SLC44A1: variants seen among roughly 807,000 people sequenced by gnomAD.
SLC44A1 encodes the protein choline transporter-like protein 1.
A neutral mutation model predicts 79.3 loss-of-function variants in SLC44A1; 26 were observed. That is an observed-to-expected ratio of 0.33 (90% CI 0.24 to 0.46). The LOEUF (loss-of-function observed/expected upper bound fraction) is 0.46. Ranked by LOEUF, SLC44A1 falls within the 20% of genes least tolerant of loss-of-function variation. The pLI, the probability that SLC44A1 is intolerant of heterozygous loss-of-function variation, is 1.00. For synonymous variants in SLC44A1, 263 were observed against 286.2 expected (o/e 0.92, Z 0.82); for missense variants, 688 against 798.1 (o/e 0.86, Z 1.66).
At chr9:105,385,204 A>G (rs1226992341) in intron 14 of SLC44A1, among the ~76,000 whole-genome samples, 1 of 152,198 alleles carries the variant, frequency 6.6e-6, no homozygotes, top group Admixed American at 6.5e-5. Flanking sequence ...TGTCACAATG[A>G]ATGGATGGAA....
At chr9:105,284,257 G>A (rs1830425291) in intron 1 of SLC44A1, among the ~76,000 whole-genome samples, 1 of 147,606 alleles carries the variant, frequency 6.8e-6, no homozygotes, top group African/African-American at 2.5e-5. Flanking sequence ...TAAGAGATAG[G>A]GTCTCACTTT....
chr9:105,353,313 G>A (rs1395277241), intron 5 of SLC44A1, among the ~76,000 whole-genome samples: 1 of 152,044 alleles, frequency 6.6e-6, no homozygotes, highest in Non-Finnish European at 1.5e-5. Context: ...TGTTTGAAAG[G>A]TTAAGTTCAG....
At chr9:105,388,953 T>C in intron 15 of SLC44A1, 80 bp from the exon 16 acceptor site, 5 of 1,038,596 alleles carry the variant, frequency 4.8e-6, no homozygotes, top group Non-Finnish European at 7.6e-6. Context: ...TGTGACCATG[T>C]GTATATTTGT....
chr9:105,428,862 C>T (rs566421649), intron 15 of SLC44A1, among the ~76,000 whole-genome samples: 2 of 152,164 alleles, frequency 1.3e-5, no homozygotes, highest in South Asian at 2.1e-4. Context: ...CGCGCCACCA[C>T]GCCCAGCTAA....
At chr9:105,367,246 T>C (rs1394924651) in intron 12 of SLC44A1, among the ~76,000 whole-genome samples, 1 of 152,186 alleles carries the variant, frequency 6.6e-6, no homozygotes, top group Admixed American at 6.5e-5. Context: ...TACTGCTAAG[T>C]GATTGAAGAG....
intron 1 of SLC44A1, among the ~76,000 whole-genome samples, chr9:105,265,166 A>G (rs1829932479): frequency 6.6e-6 from 1 of 152,160 alleles, no homozygotes; most frequent in East Asian, 1.9e-4. Context: ...TTTAATTTAC[A>G]TACGGTACAA....
intron 5 of SLC44A1, among the ~76,000 whole-genome samples, chr9:105,353,175 G>GT (rs201111124): frequency 1.4e-4 from 21 of 150,580 alleles, no homozygotes; most frequent in African/African-American, 2.4e-4. Flanking sequence ...TCAGGTTGTT[G>GT]TTTTTTTTTA....
chr9:105,337,400 A>G (rs1826956744), intron 4 of SLC44A1, among the ~76,000 whole-genome samples: 1 of 152,196 alleles, frequency 6.6e-6, no homozygotes, highest in African/African-American at 2.4e-5. Context: ...TGATACATGA[A>G]CAATGCTTAG....
intron 1 of SLC44A1, among the ~76,000 whole-genome samples, chr9:105,268,731 T>G (rs1341901748): frequency 2.0e-5 from 3 of 147,710 alleles, no homozygotes; most frequent in Non-Finnish European, 4.4e-5. Flanking sequence ...AACTCCAACC[T>G]CAGGTGATCC....
rs1468375042 is a variant in SLC44A1 at position 105,394,288 on chromosome 9, T to G, written c.*5232T>G. On this transcript the variant is annotated 3_prime_UTR_variant, in exon 16 of 16. Coordinates refer to ENST00000374720, the MANE Select transcript of SLC44A1 (RefSeq NM_080546.5). ...TCTGACCTGGAATCATTTTTATAAC[T>G]TAAAGACTTTATGTAATTTAGTAGC... 1.0e-6 allele frequency: 1 copy of G among 985,206 alleles called. No individual in the cohort carries two copies. The highest frequency in any genetic ancestry group is 1.7e-5 in the African/African-American group (1 of 57,234). The allele number at this position is 985,206 out of a possible 1,614,324, so 61.0% of individuals were successfully genotyped here.
chr9:105,291,938 A>G (rs971127153), intron 1 of SLC44A1, among the ~76,000 whole-genome samples: 8 of 152,182 alleles, frequency 5.3e-5, no homozygotes, highest in Non-Finnish European at 1.0e-4. Context: ...AGTAGTTAAT[A>G]CTTTTATACC....
rs1564444022 is a variant in SLC44A1, at chr9:105,335,547, T to C, written c.270-16T>C. 6.2e-7 allele frequency: 1 copy of C among 1,603,678 alleles called. No homozygotes were observed. The highest frequency in any genetic ancestry group is 8.5e-7 in the Non-Finnish European group (1 of 1,173,840). ...TTTTGTGAAGTAATATCTCAGTTTT[T>C]TTCTCCATGCTTTAGGTATGTATTC... On this transcript the variant is annotated splice_polypyrimidine_tract_variant and intron_variant, in intron 3 of 15. Transcript: ENST00000374720.
chr9:105,435,178 A>C (rs894414559), intron 15 of SLC44A1, among the ~76,000 whole-genome samples: 1 of 150,728 alleles, frequency 6.6e-6, no homozygotes, highest in Non-Finnish European at 1.5e-5. Flanking sequence ...AAAAAAAAGG[A>C]GGAAAGCTGA....
intron 1 of SLC44A1, among the ~76,000 whole-genome samples, chr9:105,283,205 G>A (rs922912065): frequency 2.0e-5 from 3 of 152,178 alleles, no homozygotes; most frequent in Non-Finnish European, 4.4e-5. Context: ...TGATTGTGGA[G>A]AAACAACCTT....
chr9:105,417,862 A>G (rs893415311), intron 15 of SLC44A1, among the ~76,000 whole-genome samples: 2 of 149,686 alleles, frequency 1.3e-5, no homozygotes, highest in Non-Finnish European at 3.0e-5. Flanking sequence ...AAAAAAAACA[A>G]TTTAATTAGC....
At chr9:105,364,860 T>C (rs1827892390) in intron 10 of SLC44A1, 140 bp downstream of exon 10, 1 of 604,228 alleles carries the variant, frequency 1.7e-6, no homozygotes, top group Admixed American at 3.4e-5. Flanking sequence ...TGACAGAGTG[T>C]TATATATAGT....
chr9:105,324,616 T>A (rs1260875219), intron 3 of SLC44A1, among the ~76,000 whole-genome samples: 1 of 152,198 alleles, frequency 6.6e-6, no homozygotes, highest in African/African-American at 2.4e-5. Context: ...TTTTTCATAA[T>A]GTTGTGACAA....
At position 105,394,283 on chromosome 9, in the gene SLC44A1, A is replaced by G; in HGVS notation, c.*5227A>G. Reference sequence around the variant, plus strand: ...CACCTTCTGACCTGGAATCATTTTTATAACTTAAAGACTTTATGTAATTTA... The same window carrying G: ...CACCTTCTGACCTGGAATCATTTTTGTAACTTAAAGACTTTATGTAATTTA... On this transcript the variant is annotated 3_prime_UTR_variant, in exon 16 of 16. Coordinates refer to ENST00000374720, the MANE Select transcript of SLC44A1 (RefSeq NM_080546.5). 3 of 985,416 alleles carry G rather than the reference A, an allele frequency of 3.0e-6. No individual in the cohort carries two copies. The highest frequency in any genetic ancestry group is 4.7e-5 in the South Asian group (1 of 21,292). The allele number at this position is 985,416 out of a possible 1,614,324, so 61.0% of individuals were successfully genotyped here.
Position 105,390,215 on chromosome 9 carries a change from C to G in SLC44A1, c.*1159C>G. The G allele has an allele frequency of 8.9e-7, 1 of 1,127,150 alleles. No individual in the cohort carries two copies. Among genetic ancestry groups the G allele is most frequent in the Non-Finnish European group, 1.1e-6 (1 of 921,174 alleles). The allele number at this position is 1,127,150 out of a possible 1,614,324, so 69.8% of individuals were successfully genotyped here. A position where few individuals can be genotyped will look rare whatever the true frequency, so the allele number is the denominator to read the frequency against. Reference sequence around the variant, plus strand: ...TTTGCTTTTTTATTCCTGAAGCTTACCAGATATGAATGGCTAATACTCCAT... The same window carrying G: ...TTTGCTTTTTTATTCCTGAAGCTTAGCAGATATGAATGGCTAATACTCCAT... On this transcript the variant is annotated 3_prime_UTR_variant, in exon 16 of 16. Coordinates refer to ENST00000374720, the MANE Select transcript of SLC44A1 (RefSeq NM_080546.5).
Sources: allele counts gnomAD v4.1 joint callset (sites outside exome capture counted in the v4.1 genomes callset), GRCh38; gene constraint gnomAD v4.1.1; transcripts MANE v1.5; gene names NCBI Gene and HGNC (gene_info 2026-07-23, HGNC 2026-07-21).